NEO1: variants seen among roughly 807,000 people sequenced by gnomAD.
NEO1 encodes the protein neogenin 1.
A neutral mutation model predicts 159.7 loss-of-function variants in NEO1; 63 were observed. That is an observed-to-expected ratio of 0.39 (90% CI 0.32 to 0.49). The LOEUF is 0.49. Ranked by LOEUF, NEO1 falls within the 20% of genes least tolerant of loss-of-function variation. NEO1 has a pLI of 0.85. For missense variants in NEO1, 1,615 were observed against 1,831.0 expected, an observed-to-expected ratio of 0.88 and a Z score of 2.15; for synonymous variants, 633 against 662.0, an observed-to-expected ratio of 0.96 and a Z score of 0.67.
chr15:73,088,772 G>C (rs1326198323), intron 1 of NEO1, among the ~76,000 whole-genome samples: 5 of 152,012 alleles, frequency 3.3e-5, no homozygotes, highest in Admixed American at 1.3e-4. Context: ...GGACTGAAGA[G>C]GATGGGGACA....
chr15:73,274,012 C>G lies in NEO1; in HGVS notation c.3160+7C>G. 1 of 1,610,998 alleles carries G rather than the reference C, an allele frequency of 6.2e-7. No homozygotes were observed. Among genetic ancestry groups the G allele is most frequent in the South Asian group, 1.1e-5 (1 of 90,408 alleles). ...CAATTCAGAACACCTAAAGGTAATG[C>G]TCCCCAAGCTGAGGGTTTTGTTGTG... is the stretch of plus-strand genomic sequence containing the variant. On this transcript the variant is annotated splice_region_variant and intron_variant, in intron 20 of 28. Transcript: ENST00000261908.
Position 73,127,589 on chromosome 15 carries a change from G to A in NEO1, c.878+1019G>A, listed in dbSNP as rs201615638. On this transcript the variant is annotated intron_variant, in intron 4 of 28. Coordinates refer to ENST00000261908, the MANE Select transcript of NEO1 (RefSeq NM_002499.4). ...TCCTTGGGAAGCAAAATTGCCCCCAGTTGAGGACCATTGTTCTACAGCAGT... is the reference window on the plus strand; with the variant it reads ...TCCTTGGGAAGCAAAATTGCCCCCAATTGAGGACCATTGTTCTACAGCAGT... Among the ~76,000 whole-genome samples, 50 of 152,332 alleles carry A rather than the reference G, an allele frequency of 3.3e-4. No individual in the cohort carries two copies. The East Asian group carries it at 8.7e-3, about 26-fold the overall frequency.
chr15:73,213,956 G>A (rs749333448), intron 7 of NEO1, among the ~76,000 whole-genome samples: 1 of 152,076 alleles, frequency 6.6e-6, no homozygotes, highest in Non-Finnish European at 1.5e-5. Flanking sequence ...TTTGATTATG[G>A]CCATTCTTGC....
At chr15:73,055,295 T>A (rs2067645144) in intron 1 of NEO1, among the ~76,000 whole-genome samples, 1 of 152,224 alleles carries the variant, frequency 6.6e-6, no homozygotes, top group African/African-American at 2.4e-5. Flanking sequence ...ACCATTTATT[T>A]CATGATGTGA....
At chr15:73,059,535 A>G (rs531739177) in intron 1 of NEO1, among the ~76,000 whole-genome samples, 2 of 152,340 alleles carry the variant, frequency 1.3e-5, no homozygotes, top group Admixed American at 1.3e-4. Flanking sequence ...CACTGTGGAA[A>G]TAAAGATGAA....
chr15:73,175,752 A>G (rs997046470), intron 5 of NEO1, among the ~76,000 whole-genome samples: 2 of 152,186 alleles, frequency 1.3e-5, no homozygotes, highest in African/African-American at 4.8e-5. Context: ...ATCTACTTCA[A>G]CCCTTCTAAT....
chr15:73,238,962 C>T (rs149540557), intron 8 of NEO1, among the ~76,000 whole-genome samples: 1 of 152,090 alleles, frequency 6.6e-6, no homozygotes, highest in Non-Finnish European at 1.5e-5. Context: ...GATTCTCCTG[C>T]CTCAGCCTCC....
chr15:73,093,677 G>A (rs938880320), intron 1 of NEO1, among the ~76,000 whole-genome samples: 2 of 151,636 alleles, frequency 1.3e-5, no homozygotes, highest in African/African-American at 4.8e-5. Context: ...AGGCTCAGGT[G>A]ATCCTCCCAC....
chr15:73,198,096 A>C (rs538943374), intron 7 of NEO1, among the ~76,000 whole-genome samples: 1 of 152,236 alleles, frequency 6.6e-6, no homozygotes, highest in African/African-American at 2.4e-5. Context: ...TACTGTCCTT[A>C]GGAGTTCTGC....
At chr15:73,250,808 AAAAC>A (rs1421238068) in intron 11 of NEO1, among the ~76,000 whole-genome samples, 1 of 152,224 alleles carries the variant, frequency 6.6e-6, no homozygotes, top group Admixed American at 6.5e-5. Context: ...TGGAGATAAA[AAAAC>A]AGCCATAAAG....
chr15:73,253,456 CTG>C lies in NEO1; in HGVS notation c.1944+9_1944+10del, dbSNP rs758977412. On this transcript the variant is annotated splice_region_variant and intron_variant, in intron 12 of 28. Coordinates refer to ENST00000261908, the MANE Select transcript of NEO1 (RefSeq NM_002499.4). The stretch of plus-strand genomic sequence containing the variant: ...GGAAGTGAGAAATTCAAAGGTAAAA[CTG>C]TATGATGCTGCTGTTCATTTTTACT... The C allele has an allele frequency of 4.3e-5, 68 of 1,588,042 alleles. No individual in the cohort carries two copies. The South Asian group carries it at 7.1e-4, about 17-fold the overall frequency.
At chr15:73,089,151 A>T (rs1174144440) in intron 1 of NEO1, among the ~76,000 whole-genome samples, 1 of 152,154 alleles carries the variant, frequency 6.6e-6, no homozygotes, top group East Asian at 1.9e-4. Context: ...TATAATGATG[A>T]GTGAACACTA....
chr15:73,222,556 T>G (rs1161996383), intron 7 of NEO1, among the ~76,000 whole-genome samples: 2 of 152,184 alleles, frequency 1.3e-5, no homozygotes, highest in African/African-American at 4.8e-5. Flanking sequence ...GTGTTCATAG[T>G]AGTCTTGAAT....
At chr15:73,207,505 T>A (rs2037307874) in intron 7 of NEO1, among the ~76,000 whole-genome samples, 1 of 152,196 alleles carries the variant, frequency 6.6e-6, no homozygotes, top group Non-Finnish European at 1.5e-5. Context: ...CAGCTTTAAA[T>A]GCCACCTCAG....
At chr15:73,291,603 C>T (rs1596623339) in intron 25 of NEO1, among the ~76,000 whole-genome samples, 1 of 152,114 alleles carries the variant, frequency 6.6e-6, no homozygotes, top group African/African-American at 2.4e-5. Context: ...TATACCCACT[C>T]CCCACCTTCC....
chr15:73,122,932 GGTT>G, intron 3 of NEO1, 132 bp downstream of exon 3: 3 of 1,074,026 alleles, frequency 2.8e-6, no homozygotes, highest in Admixed American at 2.3e-5. Flanking sequence ...CACTTTGGGA[GGTT>G]GAAGCGGGTG....
chr15:73,127,980 G>C (rs1195027579), intron 4 of NEO1, among the ~76,000 whole-genome samples: 3 of 152,144 alleles, frequency 2.0e-5, no homozygotes, highest in Admixed American at 1.3e-4. Context: ...TTATAGTTCA[G>C]TATCCAAGAC....
intron 5 of NEO1, among the ~76,000 whole-genome samples, chr15:73,146,075 A>G (rs2032870626): frequency 1.3e-5 from 2 of 151,848 alleles, no homozygotes; most frequent in South Asian, 4.2e-4. Context: ...TGAAACTCTG[A>G]CTCCTACCTA....
Position 73,116,601 on chromosome 15 carries a change from A to G in NEO1, c.192A>G (p.Ser64=). The G allele has an allele frequency of 6.3e-7, 1 of 1,599,558 alleles. No homozygotes were observed. Among genetic ancestry groups the G allele is most frequent in the Non-Finnish European group, 8.5e-7 (1 of 1,175,200 alleles). The part of the protein sequence containing the change: ...YFLVEPVDTL[S]VRGSSVILNC... Reference sequence around the variant, plus strand: ...TGGTGGAGCCGGTGGATACACTCTCAGTTAGAGGCTCTTCTGTTATATTAA... The same window carrying G: ...TGGTGGAGCCGGTGGATACACTCTCGGTTAGAGGCTCTTCTGTTATATTAA... The change falls in exon 2 of 29, where the codon TCA becomes TCG. Residue 64 remains serine, a synonymous_variant. Transcript: ENST00000261908.
Sources: allele counts gnomAD v4.1 joint callset (sites outside exome capture counted in the v4.1 genomes callset), GRCh38; gene constraint gnomAD v4.1.1; transcripts MANE v1.5; gene names NCBI Gene and HGNC (gene_info 2026-07-23, HGNC 2026-07-21).